ZFYVE9: variants seen among roughly 807,000 people sequenced by gnomAD.
ZFYVE9 encodes the protein zinc finger FYVE domain-containing protein 9.
Under a neutral mutation model 126.7 loss-of-function variants are expected in ZFYVE9, and 43 were observed. That is an observed-to-expected ratio of 0.34 (90% CI 0.27 to 0.44). The LOEUF is 0.44. Ranked by LOEUF, ZFYVE9 falls within the 20% of genes least tolerant of loss-of-function variation. The pLI, the probability that ZFYVE9 is intolerant of heterozygous loss-of-function variation, is 1.00. For synonymous variants in ZFYVE9, 521 were observed against 597.4 expected, an observed-to-expected ratio of 0.87 and a Z score of 1.87; for missense variants, 1,476 against 1,697.0, an observed-to-expected ratio of 0.87 and a Z score of 2.29.
At chr1:52,292,764 C>T (rs1176792829) in intron 10 of ZFYVE9, among the ~76,000 whole-genome samples, 3 of 151,952 alleles carry the variant, frequency 2.0e-5, no homozygotes, top group Admixed American at 6.6e-5. Context: ...CCACCGCACC[C>T]GGCCTTGAAC....
chr1:52,283,170 T>G (rs1645821522), intron 10 of ZFYVE9, among the ~76,000 whole-genome samples: 1 of 152,196 alleles, frequency 6.6e-6, no homozygotes, highest in East Asian at 1.9e-4. Context: ...TGGAAATAAC[T>G]GGGAACTTTC....
At chr1:52,252,487 G>A (rs550164154) in intron 4 of ZFYVE9, among the ~76,000 whole-genome samples, 1 of 152,276 alleles carries the variant, frequency 6.6e-6, no homozygotes, top group South Asian at 2.1e-4. Flanking sequence ...AGACTCCCAA[G>A]TAGCTGGGAC....
At chr1:52,164,628 A>G (rs939786863) in intron 1 of ZFYVE9, among the ~76,000 whole-genome samples, 16 of 152,138 alleles carry the variant, frequency 1.1e-4, no homozygotes, top group Admixed American at 3.9e-4. Context: ...ATGAGTATAT[A>G]TCTTTGTCCG....
chr1:52,199,165 A>C (rs1397071723), intron 1 of ZFYVE9, among the ~76,000 whole-genome samples: 1 of 151,406 alleles, frequency 6.6e-6, no homozygotes, highest in African/African-American at 2.4e-5. Flanking sequence ...TCCCGGGTTC[A>C]TGCCATTCTT....
intron 12 of ZFYVE9, among the ~76,000 whole-genome samples, chr1:52,299,550 C>T (rs1646012777): frequency 6.6e-6 from 1 of 152,158 alleles, no homozygotes; most frequent in Non-Finnish European, 1.5e-5. Flanking sequence ...CACATATGGC[C>T]TTTATTGTGC....
At chr1:52,297,235 A>C (rs1165747979) in intron 12 of ZFYVE9, among the ~76,000 whole-genome samples, 1 of 151,668 alleles carries the variant, frequency 6.6e-6, no homozygotes, top group Non-Finnish European at 1.5e-5. Flanking sequence ...TCATGAAAAA[A>C]ACATTTCTTT....
At chr1:52,203,440 C>A (rs1281095178) in intron 1 of ZFYVE9, among the ~76,000 whole-genome samples, 3 of 148,504 alleles carry the variant, frequency 2.0e-5, no homozygotes, top group African/African-American at 7.4e-5. Context: ...GCCTCGGCCT[C>A]CCAAAGTGGT....
chr1:52,244,912 CT>C (rs1403799585), intron 4 of ZFYVE9, among the ~76,000 whole-genome samples: 1 of 152,066 alleles, frequency 6.6e-6, no homozygotes, highest in Non-Finnish European at 1.5e-5. Flanking sequence ...AATCTCAGCA[CT>C]TTGGGAGGCT....
At chr1:52,231,211 T>C (rs1416027330) in intron 2 of ZFYVE9, among the ~76,000 whole-genome samples, 1 of 152,162 alleles carries the variant, frequency 6.6e-6, no homozygotes, top group African/African-American at 2.4e-5. Context: ...CAAAGATAGA[T>C]ATTTAAAAAA....
At chr1:52,159,803 T>C (rs1644438378) in intron 1 of ZFYVE9, among the ~76,000 whole-genome samples, 1 of 145,242 alleles carries the variant, frequency 6.9e-6, no homozygotes, top group African/African-American at 2.5e-5. Context: ...TTTCTTTTTC[T>C]TTTTTTTTTT....
At position 52,346,529 on chromosome 1, in the gene ZFYVE9, CTCTCAAGA is replaced by C. The variant is rs1646485479; in HGVS notation, c.*310_*317del. On this transcript the variant is annotated 3_prime_UTR_variant, in exon 19 of 19. Coordinates refer to ENST00000287727, the MANE Select transcript of ZFYVE9 (RefSeq NM_004799.4). ...CTGTTTAGACAAGAATTCCGCTCCTCTCTCAAGATTTACTTATGGTCATGTGCTCAGAA... is the reference window on the plus strand; with the variant it reads ...CTGTTTAGACAAGAATTCCGCTCCTCTTTACTTATGGTCATGTGCTCAGAA... 2 of 411,198 alleles carry C rather than the reference CTCTCAAGA, an allele frequency of 4.9e-6. No homozygotes were observed. The highest frequency in any genetic ancestry group is 8.6e-6 in the Non-Finnish European group (2 of 232,872). 25.5% of individuals were successfully genotyped at this position (411,198 alleles called of 1,614,324 possible).
intron 9 of ZFYVE9, among the ~76,000 whole-genome samples, chr1:52,281,114 A>G (rs1484312663): frequency 7.0e-6 from 1 of 143,356 alleles, no homozygotes; most frequent in African/African-American, 2.6e-5. Flanking sequence ...CATTTCAATC[A>G]TTTTTCTTTT....
chr1:52,160,378 C>T (rs539754205), intron 1 of ZFYVE9: 58 of 1,146,392 alleles, frequency 5.1e-5, no homozygotes, highest in South Asian at 3.7e-4. Flanking sequence ...TCTTTTTGGA[C>T]ATATATTCAG....
chr1:52,150,229 A>C (rs1644341673), intron 1 of ZFYVE9: 1 of 152,028 alleles, frequency 6.6e-6, no homozygotes, highest in Admixed American at 6.6e-5. Flanking sequence ...TAAGTTTGGC[A>C]TCAGTATGGT....
chr1:52,262,122 C>T (rs1312158938), intron 4 of ZFYVE9, among the ~76,000 whole-genome samples: 1 of 152,126 alleles, frequency 6.6e-6, no homozygotes, highest in Non-Finnish European at 1.5e-5. Flanking sequence ...ATCAAGGCAA[C>T]GGTAGATTTG....
chr1:52,262,315 G>T (rs1347193979), intron 4 of ZFYVE9, among the ~76,000 whole-genome samples: 2 of 152,154 alleles, frequency 1.3e-5, no homozygotes, highest in Non-Finnish European at 2.9e-5. Context: ...ACATTCATCT[G>T]TTTACCTAAC....
chr1:52,278,731 CT>C (rs377369353), intron 9 of ZFYVE9, 117 bp downstream of exon 9: 47,743 of 458,512 alleles, frequency 0.1, no homozygotes, highest in South Asian at 0.16. Flanking sequence ...TTTTTTTTTT[CT>C]TTTTTTTTTT....
At chr1:52,293,875 C>T (rs1645948746) in intron 11 of ZFYVE9, among the ~76,000 whole-genome samples, 198 bp downstream of exon 11, 1 of 152,118 alleles carries the variant, frequency 6.6e-6, no homozygotes, top group South Asian at 2.1e-4. Flanking sequence ...TATGTATTAC[C>T]TTGTAAACTT....
chr1:52,181,395 C>T (rs1007193866), intron 1 of ZFYVE9, among the ~76,000 whole-genome samples: 2 of 152,288 alleles, frequency 1.3e-5, no homozygotes, highest in African/African-American at 4.8e-5. Context: ...CTCAATGGTG[C>T]CCAGGCTGGA....
Sources: allele counts gnomAD v4.1 joint callset (sites outside exome capture counted in the v4.1 genomes callset), GRCh38; gene constraint gnomAD v4.1.1; transcripts MANE v1.5; gene names NCBI Gene and HGNC (gene_info 2026-07-23, HGNC 2026-07-21).